GC: variants seen among roughly 807,000 people sequenced by gnomAD.
The protein encoded by GC is vitamin D-binding protein.
In GC, 43 loss-of-function variants were observed where a neutral mutation model predicts 56.7. The ratio of observed to expected loss-of-function variants is 0.76; its 90% confidence interval spans 0.59 to 0.98. GC has a LOEUF of 0.98. GC is among the 50% of genes least tolerant of loss of function. The pLI, the probability that GC is intolerant of heterozygous loss-of-function variation, is 0.00. For synonymous variants in GC, 216 were observed against 202.7 expected, an observed-to-expected ratio of 1.07 and a Z score of -0.56; for missense variants, 529 against 545.9, an observed-to-expected ratio of 0.97 and a Z score of 0.31.
At position 71,741,808 on chromosome 4, in the gene GC, C is replaced by T; in HGVS notation, c.*88G>A. Reference sequence around the variant, plus strand: ...AGTATCCTAGTTGTCTTCCCAGAAGCTCAGTGGTTTTGCTTAGGTTAGGTC... The same window carrying T: ...AGTATCCTAGTTGTCTTCCCAGAAGTTCAGTGGTTTTGCTTAGGTTAGGTC... On this transcript the variant is annotated 3_prime_UTR_variant, in exon 13 of 13. Coordinates refer to ENST00000273951, the MANE Select transcript of GC (RefSeq NM_000583.4). The T allele has an allele frequency of 1.4e-6, 1 of 702,858 alleles. No individual in the cohort carries two copies. Among genetic ancestry groups the T allele is most frequent in the Non-Finnish European group, 2.6e-6 (1 of 384,948 alleles). 43.5% of individuals were successfully genotyped at this position (702,858 alleles called of 1,614,324 possible).
chr4:71,766,675 T>C (rs1365904976), intron 3 of GC, among the ~76,000 whole-genome samples: 3 of 152,174 alleles, frequency 2.0e-5, no homozygotes, highest in Admixed American at 2.0e-4. Context: ...GTAAACTAAC[T>C]TCTCACCATC....
At chr4:71,798,189 T>C (rs533595877) in intron 1 of GC, among the ~76,000 whole-genome samples, 2 of 152,384 alleles carry the variant, frequency 1.3e-5, no homozygotes, top group East Asian at 3.9e-4. Flanking sequence ...TTGCTGCTGA[T>C]GTTCCCTATC....
Position 71,763,432 on chromosome 4 carries a change from T to C in GC, c.677A>G (p.Tyr226Cys). ...SNRVCSQYAAYGEKKSRLSNL... is the reference protein window; with the variant it reads ...SNRVCSQYAACGEKKSRLSNL... ...CCTGAGCCTTGATTTCTTCTCCCCA[T>C]AAGCAGCATATTGTGAGCAGACTCT... is the stretch of plus-strand genomic sequence containing the variant. The change falls in exon 6 of 13, where the codon TAT (tyrosine) becomes TGT (cysteine). Residue 226 changes from tyrosine (Y) to cysteine (C), a missense_variant. Physicochemically the swap from Tyr to Cys is radical, Grantham distance 194 (BLOSUM62 -2). Transcript: ENST00000273951. 6.3e-7 allele frequency: 1 copy of C among 1,598,284 alleles called. No homozygotes were observed. The highest frequency in any genetic ancestry group is 1.7e-5 in the Admixed American group (1 of 59,902).
At chr4:71,804,404 CA>C (rs1445390475), upstream of GC, among the ~76,000 whole-genome samples, 5 of 152,102 alleles carry the variant, frequency 3.3e-5, no homozygotes, top group African/African-American at 1.2e-4. Context: ...GCCCTGTTCC[CA>C]AAGATTAACA....
At chr4:71,783,142 A>G (rs1742737239) in intron 1 of GC, among the ~76,000 whole-genome samples, 1 of 151,810 alleles carries the variant, frequency 6.6e-6, no homozygotes, top group African/African-American at 2.4e-5. Context: ...TAATGTACGA[A>G]TTAGGTGAGG....
intron 1 of GC, among the ~76,000 whole-genome samples, chr4:71,795,090 T>C (rs1743064746): frequency 6.6e-6 from 1 of 152,184 alleles, no homozygotes; most frequent in South Asian, 2.1e-4. Context: ...ACATGGTCAA[T>C]TTTGGAATCA....
At chr4:71,788,528 C>T (rs1298509425), upstream of GC, among the ~76,000 whole-genome samples, 1 of 150,004 alleles carries the variant, frequency 6.7e-6, no homozygotes, top group South Asian at 2.1e-4. Flanking sequence ...GCCAAATAAC[C>T]ATAACTTTCC....
chr4:71,763,718 G>T, intron 5 of GC, 86 bp downstream of exon 5: 1 of 1,224,356 alleles, frequency 8.2e-7, no homozygotes, highest in Non-Finnish European at 1.2e-6. Context: ...TTTACTGATT[G>T]CAAAATCTCA....
At chr4:71,743,099 T>C (rs557771654) in intron 12 of GC, among the ~76,000 whole-genome samples, 1 of 152,268 alleles carries the variant, frequency 6.6e-6, no homozygotes, top group Admixed American at 6.5e-5. Context: ...CCAATAACTG[T>C]CAAGATGAGA....
chr4:71,755,184 A>G, intron 8 of GC, 77 bp from the exon 9 acceptor site: 1 of 94,826 alleles, frequency 1.1e-5, no homozygotes, highest in African/African-American at 5.1e-5. Flanking sequence ...ATTTTTTGTG[A>G]CAGAGTCTCC....
At chr4:71,789,859 T>C (rs576510682) in intron 1 of GC, among the ~76,000 whole-genome samples, 3 of 151,536 alleles carry the variant, frequency 2.0e-5, no homozygotes, top group East Asian at 2.0e-4. Context: ...AAAGCAGAGG[T>C]TGGAGGGATG....
chr4:71,786,072 T>A (rs2149307653), upstream of GC: 1 of 151,954 alleles, frequency 6.6e-6, no homozygotes, highest in African/African-American at 2.4e-5. Flanking sequence ...TCTCTGCTTT[T>A]GCAATAATAT....
At chr4:71,757,841 G>A (rs891464619) in intron 7 of GC, among the ~76,000 whole-genome samples, 3 of 152,094 alleles carry the variant, frequency 2.0e-5, no homozygotes, top group African/African-American at 7.2e-5. Flanking sequence ...CTAGTTGTGT[G>A]GTAACAAATT....
chr4:71,783,920 G>A (rs776297363), intron 1 of GC, 41 bp downstream of exon 1: 2 of 1,465,236 alleles, frequency 1.4e-6, no homozygotes, highest in Non-Finnish European at 1.9e-6. Flanking sequence ...AATTAAACTA[G>A]TAAGAATTCC....
chr4:71,756,306 C>CACATTT (rs1376792405), intron 8 of GC, among the ~76,000 whole-genome samples: 1 of 152,134 alleles, frequency 6.6e-6, no homozygotes, highest in African/African-American at 2.4e-5. Context: ...TATGTGTTTT[C>CACATTT]ACATTTACTT....
intron 1 of GC, among the ~76,000 whole-genome samples, chr4:71,778,817 C>A (rs1742583646): frequency 1.3e-5 from 2 of 151,454 alleles, no homozygotes; most frequent in African/African-American, 2.4e-5. Flanking sequence ...AGTTGCTTAT[C>A]CTCTCTGTTC....
chr4:71,741,717 T>C lies in GC; in HGVS notation c.*179A>G, dbSNP rs992587015. ...ATTTATGGTTTGCATTATATTTCAA[T>C]TTATTTTGATAGCAAATCATCATAC... On this transcript the variant is annotated 3_prime_UTR_variant, in exon 13 of 13. Transcript: ENST00000273951. The C allele has an allele frequency of 2.1e-5, 14 of 668,230 alleles. No individual in the cohort carries two copies. The African/African-American group carries it at 2.2e-4, about 10-fold the overall frequency. 41.4% of individuals were successfully genotyped at this position (668,230 alleles called of 1,614,324 possible).
In GC at chr4:71,756,764, A is replaced by G. The variant is rs761772923; in HGVS notation, c.982T>C (p.Leu328=). 6 of 1,613,942 alleles carry G rather than the reference A, an allele frequency of 3.7e-6. No homozygotes were observed. The highest frequency in any genetic ancestry group is 1.6e-4 in the Middle Eastern group (1 of 6,062). Residue 328 remains leucine (L), a synonymous_variant, in exon 8 of 13, where the codon TTG becomes CTG. Transcript: ENST00000273951. ...TCACACACATCTTTGTTTGTGGGCA[A>G]CTCTACATCTGGAAGCTCGGGGAGT... is the stretch of plus-strand genomic sequence containing the variant. ...AQLPELPDVE[L]PTNKDVCDPG...
chr4:71,757,858 C>T (rs978819797), intron 7 of GC, among the ~76,000 whole-genome samples, 184 bp downstream of exon 7: 1 of 152,012 alleles, frequency 6.6e-6, no homozygotes, highest in African/African-American at 2.4e-5. Context: ...AATTATTGAC[C>T]CTTACTAATC....
Sources: allele counts gnomAD v4.1 joint callset (sites outside exome capture counted in the v4.1 genomes callset), GRCh38; gene constraint gnomAD v4.1.1; transcripts MANE v1.5; gene names NCBI Gene and HGNC (gene_info 2026-07-23, HGNC 2026-07-21).